Variants in MIPOL1 observed in about 807,000 individuals in gnomAD.
The protein encoded by MIPOL1 is mirror-image polydactyly 1.
MIPOL1 carries 57 observed loss-of-function variants against 60.9 expected under a neutral mutation model. That is an observed-to-expected ratio of 0.94 (90% CI 0.76 to 1.17). The LOEUF is 1.17. Among genes scored for constraint, MIPOL1 ranks in the 50% most tolerant of loss-of-function variants. MIPOL1 has a pLI of 0.00. For synonymous variants in MIPOL1, 179 were observed against 168.8 expected (o/e 1.06, Z -0.47); for missense variants, 551 against 511.6 (o/e 1.08, Z -0.74).
chr14:37,427,523 T>G (rs2093986383), intron 11 of MIPOL1, among the ~76,000 whole-genome samples: 3 of 152,186 alleles, frequency 2.0e-5, no homozygotes. Context: ...GTCAGTATAC[T>G]TACTGCCAGT....
intron 7 of MIPOL1, among the ~76,000 whole-genome samples, chr14:37,295,974 T>A (rs1217458548): frequency 6.6e-6 from 1 of 151,942 alleles, no homozygotes; most frequent in Non-Finnish European, 1.5e-5. Flanking sequence ...TCTACAGAAC[T>A]CTCCACCCCA....
At chr14:37,353,486 A>G (rs1314227741) in intron 9 of MIPOL1, among the ~76,000 whole-genome samples, 5 of 152,276 alleles carry the variant, frequency 3.3e-5, no homozygotes, top group South Asian at 2.1e-4. Flanking sequence ...GAAAGGTACC[A>G]GTTCCTCATT....
chr14:37,390,732 T>C (rs561518053), intron 10 of MIPOL1, among the ~76,000 whole-genome samples: 1 of 152,084 alleles, frequency 6.6e-6, no homozygotes, highest in South Asian at 2.1e-4. Flanking sequence ...TTTTAAATTA[T>C]AGCAAAGATA....
chr14:37,297,465 C>T (rs920602243), intron 7 of MIPOL1, among the ~76,000 whole-genome samples: 1 of 152,052 alleles, frequency 6.6e-6, no homozygotes, highest in Non-Finnish European at 1.5e-5. Flanking sequence ...GGCAATCAGG[C>T]AGGAGAAGGA....
At chr14:37,483,412 G>A (rs1256664258) in intron 11 of MIPOL1, among the ~76,000 whole-genome samples, 1 of 151,982 alleles carries the variant, frequency 6.6e-6, no homozygotes, top group Non-Finnish European at 1.5e-5. Context: ...ACCATGCACA[G>A]CCAACAACAA....
chr14:37,236,612 A>G (rs1335607573), intron 1 of MIPOL1, among the ~76,000 whole-genome samples: 2 of 151,430 alleles, frequency 1.3e-5, no homozygotes, highest in East Asian at 3.9e-4. Context: ...AATTTTTTGT[A>G]TTTTTAGTAG....
intron 10 of MIPOL1, among the ~76,000 whole-genome samples, chr14:37,402,644 A>G (rs2093507019): frequency 6.6e-6 from 1 of 152,230 alleles, no homozygotes; most frequent in African/African-American, 2.4e-5. Context: ...GTCTTGTTCC[A>G]GTATTTTTAA....
chr14:37,499,868 T>G, intron 11 of MIPOL1, 40 bp from the exon 12 acceptor site: 1 of 1,122,386 alleles, frequency 8.9e-7, no homozygotes, highest in Non-Finnish European at 1.3e-6. Flanking sequence ...TCACTCAGTT[T>G]ACATTACTTA....
At chr14:37,350,024 A>G (rs1342237092) in intron 9 of MIPOL1, among the ~76,000 whole-genome samples, 4 of 152,148 alleles carry the variant, frequency 2.6e-5, no homozygotes, top group Non-Finnish European at 5.9e-5. Context: ...TTTGGTAAAC[A>G]TTGGTGATAA....
At chr14:37,537,289 C>A (rs963244486) in intron 12 of MIPOL1, among the ~76,000 whole-genome samples, 1 of 152,120 alleles carries the variant, frequency 6.6e-6, no homozygotes, top group Non-Finnish European at 1.5e-5. Flanking sequence ...TCAATGCCAC[C>A]TTAGCTAGGC....
At chr14:37,510,288 C>T (rs2095317501) in intron 12 of MIPOL1, among the ~76,000 whole-genome samples, 1 of 151,904 alleles carries the variant, frequency 6.6e-6, no homozygotes, top group African/African-American at 2.4e-5. Context: ...GCTCTGTTGC[C>T]CAGACTGGAG....
intron 1 of MIPOL1, among the ~76,000 whole-genome samples, chr14:37,216,242 A>G (rs1184583777): frequency 4.6e-5 from 7 of 152,148 alleles, no homozygotes; most frequent in Admixed American, 4.6e-4. Context: ...ATAACAATTT[A>G]AAATATATAT....
intron 10 of MIPOL1, among the ~76,000 whole-genome samples, chr14:37,389,230 T>TA (rs60261464): frequency 0.086 from 12,971 of 150,294 alleles, 829 homozygotes; most frequent in East Asian, 0.31. Context: ...TGAAGGGTGG[T>TA]AAAAAAAAAC....
At chr14:37,383,337 T>C (rs777028949) in intron 10 of MIPOL1, among the ~76,000 whole-genome samples, 1 of 151,908 alleles carries the variant, frequency 6.6e-6, no homozygotes, top group African/African-American at 2.4e-5. Flanking sequence ...ATTCTCAACT[T>C]GTATCAGCAT....
intron 11 of MIPOL1, among the ~76,000 whole-genome samples, chr14:37,442,281 T>C (rs2094261412): frequency 6.6e-6 from 1 of 152,132 alleles, no homozygotes; most frequent in South Asian, 2.1e-4. Flanking sequence ...ACAGAGTCTT[T>C]AGGGTATTTT....
intron 11 of MIPOL1, among the ~76,000 whole-genome samples, chr14:37,456,370 C>T (rs532713079): frequency 6.6e-6 from 1 of 151,940 alleles, no homozygotes; most frequent in Non-Finnish European, 1.5e-5. Flanking sequence ...GCCTGGGACC[C>T]TGTTCATACT....
In MIPOL1 at chr14:37,244,620, G is replaced by A. The variant is rs376119822; in HGVS notation, c.-198-2483G>A. On this transcript the variant is annotated intron_variant, in intron 1 of 12. Coordinates refer to ENST00000684589, the MANE Select transcript of MIPOL1 (RefSeq NM_001388067.1). ...TTTAGTTGCAAATTGATTTTACTTT[G>A]CTTCTTGAACCTGGTGTAGATTAGT... Among the ~76,000 whole-genome samples the A allele has an allele frequency of 4.4e-4, 66 of 150,292 alleles. 1 individual carries two copies. The East Asian group carries it at 0.012, about 27-fold the overall frequency.
At chr14:37,441,670 A>G (rs2103892) in intron 11 of MIPOL1, among the ~76,000 whole-genome samples, 150,421 of 152,238 alleles carry the variant, frequency 0.99, 74,340 homozygotes, top group Middle Eastern at 1. Flanking sequence ...GTAACATAAT[A>G]TACTGTAAAA....
At chr14:37,302,179 C>A (rs1357753812) in intron 7 of MIPOL1, among the ~76,000 whole-genome samples, 1 of 147,456 alleles carries the variant, frequency 6.8e-6, no homozygotes, top group East Asian at 2.0e-4. Flanking sequence ...CTGCCAAATT[C>A]TTTTCCAGAG....
Sources: allele counts gnomAD v4.1 joint callset (sites outside exome capture counted in the v4.1 genomes callset), GRCh38; gene constraint gnomAD v4.1.1; transcripts MANE v1.5; gene names NCBI Gene and HGNC (gene_info 2026-07-23, HGNC 2026-07-21).